Variants in SENP2 observed in about 807,000 individuals in gnomAD.
SENP2 encodes the protein SUMO specific peptidase 2.
SENP2 carries 16 observed loss-of-function variants against 86.3 expected under a neutral mutation model. That is an observed-to-expected ratio of 0.19 (90% CI 0.13 to 0.28). SENP2 has a LOEUF of 0.28. SENP2 is among the 10% of genes least tolerant of loss of function. SENP2 has a pLI of 1.00. For synonymous variants in SENP2, 222 were observed against 238.7 expected, an observed-to-expected ratio of 0.93 and a Z score of 0.64; for missense variants, 552 against 703.0, an observed-to-expected ratio of 0.79 and a Z score of 2.43.
At chr3:185,595,028 C>T (rs1184486498) in intron 2 of SENP2, among the ~76,000 whole-genome samples, 1 of 152,078 alleles carries the variant, frequency 6.6e-6, no homozygotes, top group East Asian at 1.9e-4. Context: ...CTGGCTCAGG[C>T]TCATGACCTT....
In SENP2 at chr3:185,619,432, A is replaced by G; in HGVS notation, c.1376A>G (p.Lys459Arg). 1 of 1,614,170 alleles carries G rather than the reference A, an allele frequency of 6.2e-7. No homozygotes were observed. The highest frequency in any genetic ancestry group is 8.5e-7 in the Non-Finnish European group (1 of 1,180,022). The change falls in exon 13 of 17, where the codon AAA becomes AGA. Residue 459 changes from lysine to arginine, a missense_variant. By Grantham distance (26) the Lys-to-Arg change is conservative. Around this residue, in one of 2 missense-constraint regions of SENP2, gnomAD observed 169 missense variants for 275.7 expected, o/e 0.61. Transcript: ENST00000296257. The part of the protein sequence containing the change: ...GGYQAVKRWT[K>R]GVNLFEQEII... Reference sequence around the variant, plus strand: ...TACCAAGCAGTGAAACGATGGACCAAAGGGGTAAATCTCTTTGAACAAGAA... The same window carrying G: ...TACCAAGCAGTGAAACGATGGACCAGAGGGGTAAATCTCTTTGAACAAGAA...
chr3:185,596,188 T>C (rs1015305876), intron 2 of SENP2, among the ~76,000 whole-genome samples: 3 of 152,072 alleles, frequency 2.0e-5, no homozygotes, highest in African/African-American at 7.2e-5. Flanking sequence ...GGTCTTGAAC[T>C]CCTGACATCA....
intron 15 of SENP2, among the ~76,000 whole-genome samples, 165 bp from the exon 16 acceptor site, chr3:185,626,133 G>T (rs1460019347): frequency 2.0e-5 from 3 of 152,244 alleles, no homozygotes; most frequent in African/African-American, 7.2e-5. Context: ...ACCACATAGA[G>T]TAAGAATAAT....
chr3:185,623,135 T>C (rs1711968216), intron 14 of SENP2, among the ~76,000 whole-genome samples: 1 of 150,976 alleles, frequency 6.6e-6, no homozygotes, highest in Admixed American at 6.6e-5. Flanking sequence ...CTTTTTATGT[T>C]ATTTATTTAT....
At chr3:185,623,671 C>A (rs1055888824) in intron 14 of SENP2, among the ~76,000 whole-genome samples, 10 of 151,296 alleles carry the variant, frequency 6.6e-5, no homozygotes, top group Non-Finnish European at 1.2e-4. Flanking sequence ...AAGAAAAATA[C>A]AAAAAATTAG....
intron 5 of SENP2, among the ~76,000 whole-genome samples, chr3:185,603,428 G>T (rs1202899932): frequency 2.6e-5 from 4 of 152,176 alleles, no homozygotes; most frequent in African/African-American, 9.6e-5. Context: ...TGAAATTAAG[G>T]TCCATTCTAC....
At position 185,631,381 on chromosome 3, in the gene SENP2, G is replaced by GTGT. The variant is rs1188528714; in HGVS notation, c.*1539_*1540insTTG. ...TACTGGATGGTCAGCCAGAGGCCAT[G>GTGT]TGGTGGGTGATGACTGAAGCGGGAG... On this transcript the variant is annotated 3_prime_UTR_variant, in exon 17 of 17. Coordinates refer to ENST00000296257, the MANE Select transcript of SENP2 (RefSeq NM_021627.3). 2 of 148,342 alleles carry GTGT rather than the reference G, an allele frequency of 1.3e-5. No homozygotes were observed. Among genetic ancestry groups the GTGT allele is most frequent in the African/African-American group, 5.0e-5 (2 of 40,074 alleles). The allele number at this position is 148,342 out of a possible 1,614,324, so 9.2% of individuals were successfully genotyped here.
At chr3:185,601,866 G>A (rs912755647) in intron 5 of SENP2, among the ~76,000 whole-genome samples, 1 of 152,020 alleles carries the variant, frequency 6.6e-6, no homozygotes, top group Non-Finnish European at 1.5e-5. Context: ...TCAAACTCCT[G>A]ACCTCAGGTA....
At chr3:185,588,050 ATTTTTTTTT>A (rs1196425963) in intron 1 of SENP2, among the ~76,000 whole-genome samples, 1 of 64,790 alleles carries the variant, frequency 1.5e-5, no homozygotes, top group South Asian at 8.1e-4. Context: ...CTACCGGCTA[ATTTTTTTTT>A]TTTTTTTTTT....
At chr3:185,591,950 G>A (rs972513394) in intron 2 of SENP2, among the ~76,000 whole-genome samples, 1 of 145,064 alleles carries the variant, frequency 6.9e-6, no homozygotes, top group South Asian at 2.2e-4. Flanking sequence ...TGTCCAGGCT[G>A]AAAATAGGCA....
chr3:185,595,380 G>C (rs1330947021), intron 2 of SENP2, among the ~76,000 whole-genome samples: 2 of 152,114 alleles, frequency 1.3e-5, no homozygotes, highest in African/African-American at 2.4e-5. Flanking sequence ...TATTAGAAGG[G>C]GATAACCTGG....
rs1158491597 is a variant in SENP2 at position 185,590,901 on chromosome 3, CTTTTTTTTTT to C, written c.157+746_157+755del. Among the ~76,000 whole-genome samples, 310 of 94,128 alleles carry C rather than the reference CTTTTTTTTTT, an allele frequency of 3.3e-3. 1 individual carries two copies. The highest frequency in any genetic ancestry group is 0.013 in the African/African-American group (297 of 23,224). 61.8% of individuals were successfully genotyped at this position (94,128 alleles called of 152,430 possible). ...AAAAAAAAAAAAAAAAGAAAGTCTC[CTTTTTTTTTT>C]TTTTTTTTTTTTTGAGACAGAGTCT... On this transcript the variant is annotated intron_variant, in intron 2 of 16. Transcript: ENST00000296257.
chr3:185,623,191 G>A (rs1711970899), intron 14 of SENP2, among the ~76,000 whole-genome samples: 1 of 149,740 alleles, frequency 6.7e-6, no homozygotes. Flanking sequence ...GCCCAGGCTG[G>A]AGTGCAATGG....
At chr3:185,626,810 T>A (rs1298156228) in intron 16 of SENP2, among the ~76,000 whole-genome samples, 2 of 150,372 alleles carry the variant, frequency 1.3e-5, no homozygotes, top group Non-Finnish European at 3.0e-5. Flanking sequence ...GTAGCTGGGC[T>A]CATGCCTGTA....
chr3:185,588,296 C>T (rs1399724740), intron 1 of SENP2, among the ~76,000 whole-genome samples: 1 of 151,892 alleles, frequency 6.6e-6, no homozygotes, highest in African/African-American at 2.4e-5. Flanking sequence ...CCGCCCGTCT[C>T]GGTCTCCCAG....
At position 185,614,727 on chromosome 3, in the gene SENP2, T is replaced by G. The variant is rs1711539386; in HGVS notation, c.1097T>G (p.Leu366Arg). Residue 366 changes from leucine to arginine, a missense_variant, in exon 11 of 17, where the codon CTT (leucine) becomes CGT (arginine). This residue lies in a region of SENP2 where 169 missense variants were observed against 275.7 expected (regional missense o/e 0.61). Transcript: ENST00000296257. Reference protein sequence around the residue: ...KERDRRTDDLLELTEDMEKEI... With the variant: ...KERDRRTDDLRELTEDMEKEI... ...AGGGACAGAAGAACGGACGATCTCC[T>G]TGAACTTACAGAGGTATTGTTCTTT... The G allele has an allele frequency of 6.2e-7, 1 of 1,614,032 alleles. No homozygotes were observed. The highest frequency in any genetic ancestry group is 2.2e-5 in the East Asian group (1 of 44,888).
chr3:185,624,139 A>G, intron 15 of SENP2, 57 bp downstream of exon 15: 1 of 1,262,978 alleles, frequency 7.9e-7, no homozygotes. Flanking sequence ...ATAGTATATT[A>G]TCTAGATTTG....
At chr3:185,608,938 T>A (rs905167074) in intron 6 of SENP2, 3 of 192,632 alleles carry the variant, frequency 1.6e-5, no homozygotes, top group Non-Finnish European at 3.2e-5. Context: ...TTTTTTGTAG[T>A]TAACCTAATT....
At chr3:185,613,032 C>A (rs1722745206) in intron 9 of SENP2, among the ~76,000 whole-genome samples, 1 of 152,166 alleles carries the variant, frequency 6.6e-6, no homozygotes, top group African/African-American at 2.4e-5. Context: ...GGCCCATGGG[C>A]CAAATCTGGT....
Sources: gnomAD v4.1 joint callset for allele counts (sites outside exome capture counted in the v4.1 genomes callset) on GRCh38, gnomAD v4.1.1 for gene constraint, gnomAD v4.1.1 regional missense constraint, MANE v1.5 for transcripts, NCBI Gene and HGNC (gene_info 2026-07-23, HGNC 2026-07-21) for gene names.